The following DIAPH2 variants were observed in gnomAD, a reference collection of about 807,000 sequenced individuals.
DIAPH2 encodes the protein protein diaphanous homolog 2.
DIAPH2 carries 35 observed loss-of-function variants against 92.7 expected under a neutral mutation model. The ratio of observed to expected loss-of-function variants is 0.38; its 90% confidence interval spans 0.29 to 0.50. DIAPH2 has a LOEUF of 0.50. Ranked by LOEUF, DIAPH2 falls within the 20% of genes least tolerant of loss-of-function variation. DIAPH2 has a pLI of 0.94. For missense variants in DIAPH2, 701 were observed against 819.5 expected, an observed-to-expected ratio of 0.86 and a Z score of 1.77; for synonymous variants, 301 against 280.4, an observed-to-expected ratio of 1.07 and a Z score of -0.73.
chrX:97,050,506 GT>G (rs772902489), intron 17 of DIAPH2, among the ~76,000 whole-genome samples: 3,950 of 84,612 alleles, frequency 0.047, 206 homozygotes, highest in African/African-American at 0.15. Flanking sequence ...ACGTTTTTTT[GT>G]TTTTTTTTTT....
intron 19 of DIAPH2, among the ~76,000 whole-genome samples, chrX:97,076,733 G>T (rs1442344164): frequency 9.0e-6 from 1 of 111,336 alleles, no homozygotes; most frequent in Non-Finnish European, 1.9e-5. Flanking sequence ...TCATATATAT[G>T]TCTTAAATCT....
At chrX:96,739,443 G>A (rs2064106422) in intron 3 of DIAPH2, among the ~76,000 whole-genome samples, 1 of 111,554 alleles carries the variant, frequency 9.0e-6, no homozygotes, top group Admixed American at 9.5e-5. Flanking sequence ...TATCCCACAT[G>A]TTACTGTACA....
At chrX:97,252,908 T>C (rs1005201144) in intron 23 of DIAPH2, among the ~76,000 whole-genome samples, 1 of 111,369 alleles carries the variant, frequency 9.0e-6, no homozygotes, top group Non-Finnish European at 1.9e-5. Context: ...TATGAGACTG[T>C]TCAGGGAGAG....
rs1013381508 is a variant in DIAPH2, at chrX:97,035,224, G to A, written c.2051-37717G>A. 4.5e-5 allele frequency among the ~76,000 whole-genome samples: 5 copies of A among 111,659 alleles called. No individual in the cohort carries two copies. In the East Asian group the frequency reaches 1.4e-3, roughly 31 times the overall value. On this transcript the variant is annotated intron_variant, in intron 17 of 26. Coordinates refer to ENST00000324765, the MANE Select transcript of DIAPH2 (RefSeq NM_006729.5). ...AGATTACGTGTACAGGGGCTAATTA[G>A]CATGAAATATGAATACATTCATATA...
At chrX:97,185,496 T>TATACATAC (rs1775610338) in intron 22 of DIAPH2, among the ~76,000 whole-genome samples, 1 of 49,158 alleles carries the variant, frequency 2.0e-5, no homozygotes, top group South Asian at 1.2e-3. Context: ...TATATATATA[T>TATACATAC]ATATATATAT....
intron 26 of DIAPH2, among the ~76,000 whole-genome samples, chrX:97,585,436 G>T (rs1223693422): frequency 4.5e-5 from 5 of 110,169 alleles, no homozygotes; most frequent in Non-Finnish European, 9.5e-5. Flanking sequence ...CTGGCTTACT[G>T]CCCTATTGAG....
intron 26 of DIAPH2, 96 bp downstream of exon 26, chrX:97,429,841 C>A: frequency 1.2e-6 from 1 of 848,516 alleles, no homozygotes; most frequent in Admixed American, 4.1e-5. Context: ...AAAAATACTT[C>A]CTCATGAAGA....
chrX:96,693,974 G>T (rs1020095957), intron 1 of DIAPH2, among the ~76,000 whole-genome samples: 7 of 112,529 alleles, frequency 6.2e-5, no homozygotes, highest in African/African-American at 2.3e-4. Context: ...GGCAGAGGTT[G>T]CAGTGAGCCA....
intron 19 of DIAPH2, among the ~76,000 whole-genome samples, chrX:97,095,251 G>A (rs908171672): frequency 2.6e-4 from 27 of 103,737 alleles, no homozygotes; most frequent in South Asian, 1.8e-3. Context: ...CGATTAGCTG[G>A]GACTACAGGT....
At chrX:97,119,898 C>A (rs1040178145) in intron 21 of DIAPH2, among the ~76,000 whole-genome samples, 2 of 111,796 alleles carry the variant, frequency 1.8e-5, no homozygotes, top group African/African-American at 6.5e-5. Context: ...CACCATGCCC[C>A]CACTAACAGC....
chrX:97,099,611 T>C lies in DIAPH2; in HGVS notation c.2248-83T>C, dbSNP rs947417705. 2.4e-5 allele frequency: 14 copies of C among 576,557 alleles called. No homozygotes were observed. The African/African-American group carries it at 3.1e-4, about 13-fold the overall frequency. The allele number at this position is 576,557 out of a possible 1,213,427, so 47.5% of individuals were successfully genotyped here. A position where few individuals can be genotyped will look rare whatever the true frequency, so the allele number is the denominator to read the frequency against. The stretch of plus-strand genomic sequence containing the variant: ...CACAGTCAGAAATGTACTGTCCTAG[T>C]TAATCACTTTCATAATTGTTAATGC... On this transcript the variant is annotated intron_variant, in intron 19 of 26. Coordinates refer to ENST00000324765, the MANE Select transcript of DIAPH2 (RefSeq NM_006729.5).
In DIAPH2 at chrX:96,735,795, G is replaced by A. The variant is rs371517092; in HGVS notation, c.165+5G>A. ...AAAACTTTGGCAGATGATGTGGTAA[G>A]GTGGTCTTAGCATGTTATTACATTA... On this transcript the variant is annotated splice_donor_5th_base_variant and intron_variant, in intron 2 of 26. Coordinates refer to ENST00000324765, the MANE Select transcript of DIAPH2 (RefSeq NM_006729.5). 9.6e-7 allele frequency: 1 copy of A among 1,046,078 alleles called. No homozygotes were observed. The highest frequency in any genetic ancestry group is 3.2e-5 in the East Asian group (1 of 31,562). The allele number at this position is 1,046,078 out of a possible 1,213,427, so 86.2% of individuals were successfully genotyped here. A position where few individuals can be genotyped will look rare whatever the true frequency, so the allele number is the denominator to read the frequency against.
At chrX:97,138,382 A>G (rs994869498) in intron 21 of DIAPH2, among the ~76,000 whole-genome samples, 1 of 72,888 alleles carries the variant, frequency 1.4e-5, no homozygotes. Flanking sequence ...GGAAAAAGAA[A>G]TGATCAAAAT....
At chrX:96,720,663 A>G (rs2147548965) in intron 1 of DIAPH2, among the ~76,000 whole-genome samples, 1 of 111,916 alleles carries the variant, frequency 8.9e-6, no homozygotes, top group South Asian at 3.7e-4. Flanking sequence ...ACTGTTCCGT[A>G]AGAACAAATG....
intron 4 of DIAPH2, among the ~76,000 whole-genome samples, chrX:96,825,694 G>A (rs897420221): frequency 5.4e-5 from 6 of 110,922 alleles, no homozygotes; most frequent in South Asian, 3.8e-4. Context: ...GTAAGTTTTC[G>A]TTATTACCTA....
chrX:97,161,316 C>T (rs2067371072), intron 22 of DIAPH2, among the ~76,000 whole-genome samples: 2 of 110,978 alleles, frequency 1.8e-5, no homozygotes, highest in Non-Finnish European at 3.8e-5. Context: ...TAAAAATTTA[C>T]TTATTTGTTG....
At chrX:97,503,750 G>C (rs1405070273) in intron 26 of DIAPH2, among the ~76,000 whole-genome samples, 1 of 111,866 alleles carries the variant, frequency 8.9e-6, no homozygotes, top group East Asian at 2.8e-4. Flanking sequence ...AAAGTATGTA[G>C]GGAGCACATA....
At position 96,840,336 on chromosome X, in the gene DIAPH2, A is replaced by T. The variant is rs141435369; in HGVS notation, c.448-41243A>T. Among the ~76,000 whole-genome samples the T allele has an allele frequency of 7.4e-3, 828 of 111,407 alleles. 7 individuals are homozygous for T. The highest frequency in any genetic ancestry group is 0.026 in the African/African-American group (800 of 30,651). On this transcript the variant is annotated intron_variant, in intron 4 of 26. Transcript: ENST00000324765. The stretch of plus-strand genomic sequence containing the variant: ...GTGGTGCATACTTCCCTAGTAAGGG[A>T]TTATTGGAAAATCCAGGTGAGAGGA...
At chrX:96,914,745 A>G (rs1446999966) in intron 7 of DIAPH2, among the ~76,000 whole-genome samples, 1 of 110,935 alleles carries the variant, frequency 9.0e-6, no homozygotes, top group African/African-American at 3.3e-5. Context: ...GGAAAGCATA[A>G]TGATTTGACT....
Sources: allele counts gnomAD v4.1 joint callset (sites outside exome capture counted in the v4.1 genomes callset), GRCh38; gene constraint gnomAD v4.1.1; transcripts MANE v1.5; gene names NCBI Gene and HGNC (gene_info 2026-07-23, HGNC 2026-07-21).